IMMP2L: variants seen among roughly 807,000 people sequenced by gnomAD.
IMMP2L encodes the protein inner mitochondrial membrane peptidase subunit 2, also known as mitochondrial inner membrane protease subunit 2.
A neutral mutation model predicts 19.3 loss-of-function variants in IMMP2L; 18 were observed. The observed-to-expected ratio is 0.93, with a 90% CI of 0.64 to 1.38. The LOEUF (loss-of-function observed/expected upper bound fraction) is 1.38, where lower values mean the gene tolerates loss of function less well. Ranked by LOEUF, IMMP2L falls within the 40% of genes most tolerant of loss-of-function variation. IMMP2L has a pLI of 0.00. For synonymous variants in IMMP2L, 76 were observed against 73.0 expected, an observed-to-expected ratio of 1.04 and a Z score of -0.21; for missense variants, 233 against 218.2, an observed-to-expected ratio of 1.07 and a Z score of -0.43.
At chr7:111,030,882 GTGTATATATATATATA>G (rs1256326662) in intron 3 of IMMP2L, among the ~76,000 whole-genome samples, 11,628 of 50,666 alleles carry the variant, frequency 0.23, 580 homozygotes, top group Middle Eastern at 0.29. Context: ...GTGTGTGTGT[GTGTATATATATATATA>G]TATATATATA....
chr7:111,108,603 A>G lies in IMMP2L; in HGVS notation c.240-145038T>C, dbSNP rs192224870. The stretch of plus-strand genomic sequence containing the variant: ...TAATGAGAGTAGACATTGGCTTAGA[A>G]GAAATTTATGATTCTTTTTAAACAA... On this transcript the variant is annotated intron_variant, in intron 3 of 5. Transcript: ENST00000405709. 6.6e-4 allele frequency among the ~76,000 whole-genome samples: 101 copies of G among 152,310 alleles called. No individual in the cohort carries two copies. The East Asian group carries it at 0.016, about 24-fold the overall frequency.
At chr7:111,152,718 G>T (rs574359644) in intron 3 of IMMP2L, among the ~76,000 whole-genome samples, 1 of 152,002 alleles carries the variant, frequency 6.6e-6, no homozygotes, top group East Asian at 1.9e-4. Flanking sequence ...AGACAAAAAG[G>T]CCATTATTTC....
At chr7:111,542,332 G>T (rs963524406) in intron 1 of IMMP2L, among the ~76,000 whole-genome samples, 1 of 152,016 alleles carries the variant, frequency 6.6e-6, no homozygotes, top group East Asian at 1.9e-4. Context: ...ACTTTGTGTT[G>T]ATTAAAATTT....
At chr7:111,124,280 G>T in intron 3 of IMMP2L, 1 of 1,613,900 alleles carries the variant, frequency 6.2e-7, no homozygotes, top group Non-Finnish European at 8.5e-7. Flanking sequence ...AACCTAGTTG[G>T]CGCTGACTTG....
At chr7:110,975,569 T>A (rs1413173167) in intron 3 of IMMP2L, among the ~76,000 whole-genome samples, 2 of 152,310 alleles carry the variant, frequency 1.3e-5, no homozygotes, top group South Asian at 2.1e-4. Context: ...AACTGCCAAC[T>A]AATAAACTAT....
intron 3 of IMMP2L, among the ~76,000 whole-genome samples, chr7:111,319,104 T>A (rs540497108): frequency 6.6e-6 from 1 of 152,080 alleles, no homozygotes; most frequent in African/African-American, 2.4e-5. Flanking sequence ...ACCAAATATG[T>A]CTGTAGGAGG....
intron 3 of IMMP2L, among the ~76,000 whole-genome samples, chr7:111,303,165 C>G (rs1193091465): frequency 6.6e-6 from 1 of 152,082 alleles, no homozygotes; most frequent in Admixed American, 6.6e-5. Flanking sequence ...CCTTGTTCTG[C>G]TCTAAGTATC....
intron 5 of IMMP2L, among the ~76,000 whole-genome samples, chr7:110,792,961 C>T (rs997537033): frequency 4.6e-5 from 7 of 151,904 alleles, no homozygotes; most frequent in African/African-American, 1.2e-4. Flanking sequence ...TTGTGCTATA[C>T]GAAATAAGCC....
At chr7:111,275,459 T>C (rs908172710) in intron 3 of IMMP2L, among the ~76,000 whole-genome samples, 44 of 152,108 alleles carry the variant, frequency 2.9e-4, no homozygotes, top group African/African-American at 1.1e-3. Flanking sequence ...TAATTCACAC[T>C]CCAAAAACAG....
intron 3 of IMMP2L, among the ~76,000 whole-genome samples, chr7:111,020,491 G>A (rs1312639024): frequency 6.6e-6 from 1 of 152,144 alleles, no homozygotes; most frequent in Non-Finnish European, 1.5e-5. Flanking sequence ...GCCGGGCAGG[G>A]TGGCTCACGC....
intron 2 of IMMP2L, among the ~76,000 whole-genome samples, chr7:111,507,570 C>T (rs1845046591): frequency 6.6e-6 from 1 of 152,074 alleles, no homozygotes; most frequent in Non-Finnish European, 1.5e-5. Context: ...CCAGCGTCTG[C>T]CAACACTCCC....
At chr7:111,158,969 T>C (rs926828079) in intron 3 of IMMP2L, among the ~76,000 whole-genome samples, 1 of 152,178 alleles carries the variant, frequency 6.6e-6, no homozygotes, top group Non-Finnish European at 1.5e-5. Context: ...ATGCTTAATA[T>C]CCACATACTT....
chr7:111,511,434 C>G (rs1180019982), intron 2 of IMMP2L, among the ~76,000 whole-genome samples: 1 of 152,006 alleles, frequency 6.6e-6, no homozygotes, highest in East Asian at 1.9e-4. Context: ...CGCTTGAGCT[C>G]AGGAGTTTGA....
At chr7:111,384,228 A>G (rs376798124) in intron 3 of IMMP2L, among the ~76,000 whole-genome samples, 4 of 102,236 alleles carry the variant, frequency 3.9e-5, no homozygotes, top group African/African-American at 9.9e-5. Context: ...AGAGAGGAGA[A>G]AGGAGAGAGG....
At chr7:110,749,751 T>TG (rs747223813) in intron 5 of IMMP2L, among the ~76,000 whole-genome samples, 187 of 152,106 alleles carry the variant, frequency 1.2e-3, no homozygotes, top group Admixed American at 2.4e-3. Flanking sequence ...TGTCAGGGGT[T>TG]GGGGGCCCAG....
chr7:110,815,866 T>C lies in IMMP2L; in HGVS notation c.408+70727A>G, dbSNP rs1298544030. 5.3e-5 allele frequency among the ~76,000 whole-genome samples: 8 copies of C among 152,148 alleles called. No homozygotes were observed. In the East Asian group the frequency reaches 1.5e-3, roughly 29 times the overall value. ...TTTGATTCTTCTCTCTTTTCTTCTT[T>C]ATTAGTCTTGCTAGCGGTCTATCAA... On this transcript the variant is annotated intron_variant, in intron 5 of 5. Coordinates refer to ENST00000405709, the MANE Select transcript of IMMP2L (RefSeq NM_032549.4).
intron 3 of IMMP2L, among the ~76,000 whole-genome samples, chr7:111,018,654 C>T (rs1196840741): frequency 6.6e-6 from 1 of 151,910 alleles, no homozygotes; most frequent in Non-Finnish European, 1.5e-5. Context: ...TCCCATTTCT[C>T]GTATAAAGAA....
chr7:111,471,077 A>G (rs1215390580), intron 3 of IMMP2L, among the ~76,000 whole-genome samples: 2 of 152,032 alleles, frequency 1.3e-5, no homozygotes, highest in Non-Finnish European at 2.9e-5. Context: ...TGGATTTAGC[A>G]ATGAGAAGAT....
At chr7:111,422,993 T>C (rs1835727709) in intron 3 of IMMP2L, among the ~76,000 whole-genome samples, 1 of 151,856 alleles carries the variant, frequency 6.6e-6, no homozygotes, top group Non-Finnish European at 1.5e-5. Flanking sequence ...TTTTTGTCAT[T>C]GGTTCTGTTT....
Sources: gnomAD v4.1 joint callset for allele counts (sites outside exome capture counted in the v4.1 genomes callset) on GRCh38, gnomAD v4.1.1 for gene constraint, MANE v1.5 for transcripts, NCBI Gene and HGNC (gene_info 2026-07-23, HGNC 2026-07-21) for gene names.